Variants in IL27RA observed in about 807,000 individuals in gnomAD.
IL27RA encodes the protein interleukin-27 receptor subunit alpha.
IL27RA carries 61 observed loss-of-function variants against 80.8 expected under a neutral mutation model. That is an observed-to-expected ratio of 0.76 (90% confidence interval 0.61 to 0.93). IL27RA has a LOEUF of 0.93. Ranked by LOEUF, IL27RA falls within the 40% of genes least tolerant of loss-of-function variation. The pLI is 0.00. For synonymous variants in IL27RA, 316 were observed against 332.5 expected (o/e 0.95, Z 0.54); for missense variants, 735 against 808.1 (o/e 0.91, Z 1.10).
In IL27RA at chr19:14,042,500, A is replaced by G. The variant is rs753776026; in HGVS notation, c.582A>G (p.Gln194=). The G allele has an allele frequency of 9.9e-6, 16 of 1,614,106 alleles. No individual in the cohort carries two copies. The highest frequency in any genetic ancestry group is 8.3e-5 in the Admixed American group (5 of 59,994). ...TACCCCTGACCCCTGTTGAGATCCA[A>G]GATTTGGAGCTAGCCACTGGCTACA... The part of the protein sequence containing the change: ...KTIPLTPVEI[Q]DLELATGYKV... The change falls in exon 5 of 14, where the codon CAA becomes CAG. Residue 194 remains glutamine (Q), a synonymous_variant. Transcript: ENST00000263379.
rs1383741342 is a variant in IL27RA, at chr19:14,039,775, G to A, written c.399G>A (p.Leu133=). The A allele has an allele frequency of 3.1e-6, 5 of 1,614,070 alleles. No individual in the cohort carries two copies. The highest frequency in any genetic ancestry group is 1.3e-5 in the African/African-American group (1 of 75,048). ...ETQMKPNAPR[L]GPDVDFSEDD... is the part of the protein sequence containing the mutation. ...CAGTGAAGCCAAACGCCCCCCGGCTGGGCCCTGACGTGGACTTTTCCGAGG... is the reference window on the plus strand; with the variant it reads ...CAGTGAAGCCAAACGCCCCCCGGCTAGGCCCTGACGTGGACTTTTCCGAGG... The change falls in exon 4 of 14, where the codon CTG becomes CTA. Residue 133 remains leucine (L), a synonymous_variant. Transcript: ENST00000263379.
intron 1 of IL27RA, 104 bp downstream of exon 1, chr19:14,032,076 G>A: frequency 9.7e-7 from 1 of 1,027,962 alleles, no homozygotes; most frequent in Non-Finnish European, 1.4e-6. Context: ...GAACGGTAGA[G>A]GTGCAGGCGC....
In IL27RA at chr19:14,042,768, G is replaced by A. The variant is rs1171353529; in HGVS notation, c.747G>A (p.Glu249=). The stretch of plus-strand genomic sequence containing the variant: ...ACCTCTGTGGGACGCCTGGAGGAGA[G>A]GAACCTTTGCTTCTATGGAAGGTGA... ...SGNLCGTPGG[E]EPLLLWKAPG... The change falls in exon 6 of 14, where the codon GAG becomes GAA. Residue 249 remains glutamate (E), a synonymous_variant. Transcript: ENST00000263379. The A allele has an allele frequency of 6.2e-7, 1 of 1,614,114 alleles. No individual in the cohort carries two copies. Among genetic ancestry groups the A allele is most frequent in the Non-Finnish European group, 8.5e-7 (1 of 1,180,018 alleles).
At chr19:14,033,081 G>A (rs1263687470) in intron 2 of IL27RA, among the ~76,000 whole-genome samples, 1 of 148,560 alleles carries the variant, frequency 6.7e-6, no homozygotes, top group African/African-American at 2.5e-5. Context: ...CAGAGTTTTA[G>A]AGAGCCCGTC....
At chr19:14,051,551 A>C in intron 11 of IL27RA, 56 bp from the exon 12 acceptor site, 2 of 1,049,566 alleles carry the variant, frequency 1.9e-6, no homozygotes, top group East Asian at 5.9e-5. Flanking sequence ...CAAAAATAAA[A>C]ATAAAAAATA....
At position 14,051,930 on chromosome 19, in the gene IL27RA, T is replaced by C; in HGVS notation, c.1673T>C (p.Val558Ala). The C allele has an allele frequency of 6.3e-7, 1 of 1,589,438 alleles. No individual in the cohort carries two copies. Among genetic ancestry groups the C allele is most frequent in the South Asian group, 1.1e-5 (1 of 87,820 alleles). Reference protein sequence around the residue: ...KVLPRWVWEKVPDPANSSSGQ... With the variant: ...KVLPRWVWEKAPDPANSSSGQ... ...CTGCCCCGCTGGGTCTGGGAGAAAG[T>C]TCCTGATCCTGCCAACAGCAGTTCA... The change falls in exon 13 of 14, where the codon GTT becomes GCT. Residue 558 changes from valine (V) to alanine (A), a missense_variant. Coordinates refer to ENST00000263379, the MANE Select transcript of IL27RA (RefSeq NM_004843.4).
chr19:14,031,820 GGCCGCGC>G lies in IL27RA; in HGVS notation c.-51_-45del. 2 of 1,452,088 alleles carry G rather than the reference GGCCGCGC, an allele frequency of 1.4e-6. No individual in the cohort carries two copies. Among genetic ancestry groups the G allele is most frequent in the Non-Finnish European group, 1.9e-6 (2 of 1,070,748 alleles). The allele number at this position is 1,452,088 out of a possible 1,614,324, so 90.0% of individuals were successfully genotyped here. A position where few individuals can be genotyped will look rare whatever the true frequency, so the allele number is the denominator to read the frequency against. ...CCCAGAGCTCGAAGAGGAGCAGCGC[GGCCGCGC>G]GGACCCGGCAAGGCTGGGCCGGACT... On this transcript the variant is annotated 5_prime_UTR_variant, in exon 1 of 14. Transcript: ENST00000263379.
intron 4 of IL27RA, among the ~76,000 whole-genome samples, chr19:14,040,950 C>G (rs1279283542): frequency 3.4e-5 from 5 of 148,578 alleles, no homozygotes; most frequent in African/African-American, 1.0e-4. Context: ...ATTGCCCAGG[C>G]TGGAGTGCAA....
intron 2 of IL27RA, among the ~76,000 whole-genome samples, chr19:14,032,805 C>CAAAAAAAAAAAAAAAAAAA (rs60328140): frequency 1.6e-5 from 1 of 60,774 alleles, no homozygotes; most frequent in Non-Finnish European, 3.2e-5. Flanking sequence ...GACTCTGTCT[C>CAAAAAAAAAAAAAAAAAAA]AAAAAAAAAA....
intron 8 of IL27RA, 79 bp from the exon 9 acceptor site, chr19:14,048,902 G>A: frequency 8.2e-7 from 1 of 1,222,708 alleles, no homozygotes. Context: ...TCCTTCTGGG[G>A]ACCCCAGTGA....
At chr19:14,035,152 G>A (rs1975879499) in intron 2 of IL27RA, among the ~76,000 whole-genome samples, 2 of 151,706 alleles carry the variant, frequency 1.3e-5, no homozygotes, top group African/African-American at 4.8e-5. Flanking sequence ...ACCATGCCCA[G>A]CTAATTTTTT....
At chr19:14,039,949 G>A in intron 4 of IL27RA, 39 bp downstream of exon 4, 1 of 1,603,658 alleles carries the variant, frequency 6.2e-7, no homozygotes, top group Non-Finnish European at 8.5e-7. Flanking sequence ...CCTATTCCGG[G>A]CGGGGACTGA....
intron 4 of IL27RA, among the ~76,000 whole-genome samples, chr19:14,041,731 C>T (rs1032060733): frequency 6.6e-6 from 1 of 152,194 alleles, no homozygotes; most frequent in Non-Finnish European, 1.5e-5. Flanking sequence ...CTGGAAACCC[C>T]CTTGGTCCTG....
chr19:14,040,822 T>G (rs969398408), intron 4 of IL27RA, among the ~76,000 whole-genome samples: 5 of 148,376 alleles, frequency 3.4e-5, no homozygotes, highest in African/African-American at 1.2e-4. Context: ...AGAGCAAGAC[T>G]CCGTCTCAAA....
At chr19:14,043,120 C>T (rs1163754203) in intron 6 of IL27RA, among the ~76,000 whole-genome samples, 5 of 151,990 alleles carry the variant, frequency 3.3e-5, no homozygotes, top group Non-Finnish European at 5.9e-5. Context: ...CCAGCCTGGG[C>T]AACAAGAGTG....
chr19:14,035,421 GTT>G (rs1414586050), intron 2 of IL27RA, among the ~76,000 whole-genome samples: 1 of 151,954 alleles, frequency 6.6e-6, no homozygotes, highest in African/African-American at 2.4e-5. Context: ...TTGAGATGGA[GTT>G]TCGCTCTTGT....
intron 4 of IL27RA, among the ~76,000 whole-genome samples, chr19:14,040,673 G>A (rs1340212722): frequency 6.6e-5 from 10 of 151,674 alleles, no homozygotes; most frequent in Admixed American, 6.6e-4. Flanking sequence ...ATACAAAAAA[G>A]TAGCTGGGCG....
chr19:14,052,435 G>C lies in IL27RA; in HGVS notation c.*145G>C. ...CACTTACCTGAGGACACCCAGCCAG[G>C]CAGAGCTGGGATTGAAGGACCCCTA... On this transcript the variant is annotated 3_prime_UTR_variant, in exon 14 of 14. Transcript: ENST00000263379. 4.8e-6 allele frequency: 3 copies of C among 630,540 alleles called. No homozygotes were observed. The highest frequency in any genetic ancestry group is 7.6e-6 in the Non-Finnish European group (3 of 393,804). 39.1% of individuals were successfully genotyped at this position (630,540 alleles called of 1,614,324 possible).
chr19:14,042,804 C>A lies in IL27RA; in HGVS notation c.768+15C>A, dbSNP rs370468770. On this transcript the variant is annotated intron_variant, in intron 6 of 13. Transcript: ENST00000263379. ...TTCTATGGAAGGTGAGCTTCAGGCA[C>A]CAGTTACATTTCTCTGCACGTGTTA... The A allele has an allele frequency of 2.0e-5, 33 of 1,609,786 alleles. No homozygotes were observed. Among genetic ancestry groups the A allele is most frequent in the Non-Finnish European group, 2.5e-5 (29 of 1,176,248 alleles).
Sources: allele counts gnomAD v4.1 joint callset (sites outside exome capture counted in the v4.1 genomes callset), GRCh38; gene constraint gnomAD v4.1.1; transcripts MANE v1.5; gene names NCBI Gene and HGNC (gene_info 2026-07-23, HGNC 2026-07-21).